RANBP2: variants seen among roughly 807,000 people sequenced by gnomAD.
RANBP2 encodes RAN binding protein 2, also known as E3 SUMO-protein ligase RanBP2.
RANBP2 carries 57 observed loss-of-function variants against 303.6 expected under a neutral mutation model. The ratio of observed to expected loss-of-function variants is 0.19; its 90% CI spans 0.15 to 0.23. The LOEUF is 0.23. Among genes scored for constraint, RANBP2 ranks in the 10% least tolerant of loss-of-function variants. The pLI is 1.00. For missense variants in RANBP2, 3,138 were observed against 3,780.8 expected (o/e 0.83, Z 4.46); for synonymous variants, 1,167 against 1,301.5 (o/e 0.90, Z 2.23).
the RANBP2 span, among the ~76,000 whole-genome samples, chr2:109,137,783 T>G: frequency 6.6e-6 from 1 of 152,222 alleles, no homozygotes; most frequent in East Asian, 1.9e-4. Flanking sequence ...GTTCAAAGAC[T>G]AATCGGTTAA....
chr2:108,947,556 A>G, the RANBP2 span, among the ~76,000 whole-genome samples: 1 of 151,648 alleles, frequency 6.6e-6, no homozygotes, highest in Admixed American at 6.6e-5. Context: ...CTAGGTGGAG[A>G]CTCCCAAAGC....
rs546675163 is a variant in RANBP2, at chr2:108,780,961, G to A, written c.8600-308G>A. ...TGACCTCAGGAGATGCGCTCACCTC[G>A]GCCTCACAAAGTGCTGGGATTACAG... On this transcript the variant is annotated intron_variant, in intron 25 of 28. Transcript: ENST00000283195. 3.3e-5 allele frequency among the ~76,000 whole-genome samples: 5 copies of A among 151,952 alleles called. 1 individual carries two copies. Among genetic ancestry groups the A allele is most frequent in the East Asian group, 3.9e-4 (2 of 5,162 alleles).
chr2:109,703,901 C>T, the RANBP2 span, among the ~76,000 whole-genome samples: 2 of 152,146 alleles, frequency 1.3e-5, no homozygotes, highest in African/African-American at 2.4e-5. Context: ...AGGTCCACAC[C>T]GCGTAAATTG....
At chr2:109,477,303 C>T in the RANBP2 span, among the ~76,000 whole-genome samples, 6 of 152,200 alleles carry the variant, frequency 3.9e-5, no homozygotes, top group Non-Finnish European at 4.4e-5. Flanking sequence ...ACAGCCTTCA[C>T]GCCCAAAGAC....
At chr2:109,014,817 A>G in the RANBP2 span, among the ~76,000 whole-genome samples, 2 of 152,138 alleles carry the variant, frequency 1.3e-5, no homozygotes, top group African/African-American at 4.8e-5. Context: ...CATTCTCCTC[A>G]TCTACAAATA....
chr2:109,252,339 G>A, the RANBP2 span, among the ~76,000 whole-genome samples: 1 of 152,024 alleles, frequency 6.6e-6, no homozygotes, highest in South Asian at 2.1e-4. Context: ...AACAGAAGCC[G>A]GGTTTATTTT....
the RANBP2 span, among the ~76,000 whole-genome samples, chr2:109,161,084 C>G: frequency 6.6e-6 from 1 of 152,094 alleles, no homozygotes; most frequent in Non-Finnish European, 1.5e-5. Context: ...ACAAGGCAAT[C>G]GACTGTTCAT....
At chr2:108,971,867 G>A in the RANBP2 span, among the ~76,000 whole-genome samples, 5 of 152,300 alleles carry the variant, frequency 3.3e-5, no homozygotes, top group South Asian at 6.2e-4. Context: ...CAGAAGAGAC[G>A]GTGCAATTAC....
the RANBP2 span, among the ~76,000 whole-genome samples, chr2:109,079,734 T>G: frequency 6.6e-6 from 1 of 152,134 alleles, no homozygotes; most frequent in Non-Finnish European, 1.5e-5. Flanking sequence ...CAAGGCCTGG[T>G]GGAGCCCACC....
At chr2:109,270,757 T>G in the RANBP2 span, among the ~76,000 whole-genome samples, 29 of 152,296 alleles carry the variant, frequency 1.9e-4, no homozygotes, top group East Asian at 5.4e-3. Context: ...GATTGACCTT[T>G]CTCTAGCTGG....
chr2:109,360,463 G>T, the RANBP2 span, among the ~76,000 whole-genome samples: 2 of 152,118 alleles, frequency 1.3e-5, no homozygotes, highest in Non-Finnish European at 2.9e-5. Context: ...TTACCTTCAG[G>T]TTGTGTGTAT....
the RANBP2 span, among the ~76,000 whole-genome samples, chr2:108,917,806 A>T: frequency 6.6e-6 from 1 of 152,252 alleles, no homozygotes; most frequent in African/African-American, 2.4e-5. Flanking sequence ...CCGGTCCCAA[A>T]GTGCCAACCT....
chr2:109,196,226 G>A, the RANBP2 span, among the ~76,000 whole-genome samples: 1 of 152,294 alleles, frequency 6.6e-6, no homozygotes. Context: ...GGGGTGTTTG[G>A]GACGGCAGAG....
the RANBP2 span, among the ~76,000 whole-genome samples, chr2:109,500,108 C>A: frequency 6.6e-6 from 1 of 152,106 alleles, no homozygotes; most frequent in African/African-American, 2.4e-5. Flanking sequence ...AACCCACAGT[C>A]GATTCTTTTG....
At chr2:108,752,622 A>AC (rs1288110806) in intron 12 of RANBP2, among the ~76,000 whole-genome samples, 14 of 139,058 alleles carry the variant, frequency 1.0e-4, no homozygotes, top group Non-Finnish European at 2.0e-4. Context: ...AAATACAAAA[A>AC]AAAAAAAAAA....
At chr2:109,552,885 T>C in the RANBP2 span, 2 of 545,010 alleles carry the variant, frequency 3.7e-6, no homozygotes, top group Non-Finnish European at 6.2e-6. Flanking sequence ...TGTACTGCTT[T>C]AAAAAAAAAG....
chr2:109,614,469 G>A, the RANBP2 span: 2 of 1,218,408 alleles, frequency 1.6e-6, no homozygotes, highest in South Asian at 3.9e-5. Flanking sequence ...GCCCGCTGGC[G>A]GGGGAGCAGC....
the RANBP2 span, among the ~76,000 whole-genome samples, chr2:109,215,755 C>T: frequency 2.0e-5 from 3 of 152,282 alleles, no homozygotes; most frequent in East Asian, 5.8e-4. Context: ...TGGGGGACAT[C>T]GCTGCACAGT....
the RANBP2 span, among the ~76,000 whole-genome samples, chr2:109,665,931 G>A: frequency 6.6e-6 from 1 of 151,726 alleles, no homozygotes; most frequent in Non-Finnish European, 1.5e-5. Flanking sequence ...GGCCAACATG[G>A]AGAAACCCTG....
Sources: allele counts gnomAD v4.1 joint callset (sites outside exome capture counted in the v4.1 genomes callset), GRCh38; gene constraint gnomAD v4.1.1; transcripts MANE v1.5; gene names NCBI Gene and HGNC (gene_info 2026-07-23, HGNC 2026-07-21).